Variants in SHANK1 observed in about 807,000 individuals in gnomAD.
The protein encoded by SHANK1 is SH3 and multiple ankyrin repeat domains 1.
Under a neutral mutation model 165.6 loss-of-function variants are expected in SHANK1, and 35 were observed. The observed-to-expected ratio is 0.21, with a 90% CI of 0.16 to 0.28. The LOEUF (loss-of-function observed/expected upper bound fraction) is 0.28, where lower values mean the gene tolerates loss of function less well. Ranked by LOEUF, SHANK1 falls within the 10% of genes least tolerant of loss-of-function variation. The pLI, the probability that SHANK1 is intolerant of heterozygous loss-of-function variation, is 1.00. For missense variants in SHANK1, 2,681 were observed against 3,036.4 expected (o/e 0.88, Z 2.75); for synonymous variants, 1,428 against 1,384.8 (o/e 1.03, Z -0.69).
chr19:50,685,754 A>G (rs1298091712), intron 21 of SHANK1, among the ~76,000 whole-genome samples: 6 of 152,134 alleles, frequency 3.9e-5, no homozygotes, highest in African/African-American at 1.4e-4. Context: ...TAAAAATTGA[A>G]AAATAAAATA....
chr19:50,676,339 C>T (rs1332596013), intron 21 of SHANK1, among the ~76,000 whole-genome samples: 1 of 151,988 alleles, frequency 6.6e-6, no homozygotes, highest in Non-Finnish European at 1.5e-5. Context: ...GAAGGCCTCA[C>T]TGAGAAGGTA....
At chr19:50,712,204 TCCTGGGTGA>T in intron 6 of SHANK1, 90 bp from the exon 7 acceptor site, 1 of 1,371,738 alleles carries the variant, frequency 7.3e-7, no homozygotes, top group Non-Finnish European at 9.9e-7. Context: ...GACTGGACCG[TCCTGGGTGA>T]CCTACAGTGG....
intron 15 of SHANK1, among the ~76,000 whole-genome samples, chr19:50,692,797 G>A (rs375618928): frequency 1.3e-5 from 2 of 148,814 alleles, no homozygotes; most frequent in South Asian, 2.1e-4. Flanking sequence ...GTTCCACATC[G>A]CCCTAACCCA....
chr19:50,700,002 G>A (rs1986861352), intron 12 of SHANK1, among the ~76,000 whole-genome samples: 1 of 110,088 alleles, frequency 9.1e-6, no homozygotes, highest in Non-Finnish European at 1.9e-5. Context: ...CGGGGCATTG[G>A]AGGGTTGGAA....
rs909206743 is a variant in SHANK1, at chr19:50,713,659, G to A, written c.792+139C>T. On this transcript the variant is annotated intron_variant, in intron 6 of 23. Coordinates refer to ENST00000293441, the MANE Select transcript of SHANK1 (RefSeq NM_016148.5). The surrounding 1 kb of genome is among the most constrained non-coding windows in gnomAD (Gnocchi z 6.2). The stretch of plus-strand genomic sequence containing the variant: ...GGGTGACAATAGGGGCTGTGTCTCA[G>A]TCTATGGAAAGGGGCTTTGAACTGG... 1 of 1,147,682 alleles carries A rather than the reference G, an allele frequency of 8.7e-7. No individual in the cohort carries two copies. The highest frequency in any genetic ancestry group is 1.2e-6 in the Non-Finnish European group (1 of 803,378). 71.1% of individuals were successfully genotyped at this position (1,147,682 alleles called of 1,614,324 possible).
intron 15 of SHANK1, among the ~76,000 whole-genome samples, chr19:50,692,364 T>G (rs2123144652): frequency 6.6e-6 from 1 of 151,676 alleles, no homozygotes; most frequent in South Asian, 2.1e-4. Context: ...ATTCTTCCCA[T>G]TTTATAAATG....
chr19:50,689,480 C>T, intron 15 of SHANK1: 1 of 691,074 alleles, frequency 1.4e-6, no homozygotes, highest in South Asian at 1.6e-5. Flanking sequence ...CCGGCATGCT[C>T]TCTCTCTCAC....
Position 50,670,420 on chromosome 19 carries a change from T to G in SHANK1, c.2675-1135A>C, listed in dbSNP as rs759963509. Among the ~76,000 whole-genome samples, 10 of 152,126 alleles carry G rather than the reference T, an allele frequency of 6.6e-5. No homozygotes were observed. Among genetic ancestry groups the G allele is most frequent in the Non-Finnish European group, 1.2e-4 (8 of 68,014 alleles). On this transcript the variant is annotated intron_variant, in intron 22 of 23. Coordinates refer to ENST00000293441, the MANE Select transcript of SHANK1 (RefSeq NM_016148.5). The surrounding 1 kb of genome is among the most constrained non-coding windows in gnomAD (Gnocchi z 4.1). ...CTGGATAGCAATAGCTGTCACCTCCTCTTTGGTCCCCCGGCTTCCCAGCTC... is the reference window on the plus strand; with the variant it reads ...CTGGATAGCAATAGCTGTCACCTCCGCTTTGGTCCCCCGGCTTCCCAGCTC...
chr19:50,687,112 G>A, intron 19 of SHANK1: 1 of 1,096,476 alleles, frequency 9.1e-7, no homozygotes, highest in South Asian at 2.1e-5. Context: ...CCCCCTGTCT[G>A]GAAGCCCGCC....
chr19:50,677,739 C>T (rs1203789077), intron 21 of SHANK1, among the ~76,000 whole-genome samples: 2 of 152,204 alleles, frequency 1.3e-5, no homozygotes, highest in African/African-American at 2.4e-5. Flanking sequence ...TTCCTCTGAA[C>T]ATCCCCATCA....
At position 50,666,401 on chromosome 19, in the gene SHANK1, C is replaced by A; in HGVS notation, c.5559G>T (p.Gly1853=). ...GPGPPPPPLP[G]PLAQPQASAL... is the part of the protein sequence containing the mutation. Reference sequence around the variant, plus strand: ...CTGAGGCCTGAGGCTGGGCCAAGGGCCCGGGCAGAGGTGGTGGCGGTGGGC... The same window carrying A: ...CTGAGGCCTGAGGCTGGGCCAAGGGACCGGGCAGAGGTGGTGGCGGTGGGC... The change falls in exon 23 of 24, where the codon GGG becomes GGT. Residue 1853 remains glycine, a synonymous_variant. Transcript: ENST00000293441. 1 of 1,612,950 alleles carries A rather than the reference C, an allele frequency of 6.2e-7. No homozygotes were observed. Among genetic ancestry groups the A allele is most frequent in the East Asian group, 2.2e-5 (1 of 44,862 alleles).
intron 8 of SHANK1, among the ~76,000 whole-genome samples, chr19:50,709,190 G>A (rs2088979164): frequency 6.6e-6 from 1 of 152,212 alleles, no homozygotes; most frequent in African/African-American, 2.4e-5. Flanking sequence ...CCAGGCTGGA[G>A]TGCAGTGGCA....
At chr19:50,673,913 T>G (rs1443214619) in intron 21 of SHANK1, among the ~76,000 whole-genome samples, 1 of 151,212 alleles carries the variant, frequency 6.6e-6, no homozygotes, top group Non-Finnish European at 1.5e-5. Flanking sequence ...AACCCCAACC[T>G]TCTGAGTAGC....
rs1266608130 is a variant in SHANK1, at chr19:50,666,982, C to T, written c.4978G>A (p.Ala1660Thr). The T allele has an allele frequency of 1.3e-6, 2 of 1,577,470 alleles. No homozygotes were observed. Residue 1660 changes from alanine to threonine, a missense_variant, in exon 23 of 24, where the codon GCC becomes ACC. Physicochemically the swap from Ala to Thr is moderately conservative, Grantham distance 58. Around this residue, in one of 10 missense-constraint regions of SHANK1, gnomAD observed 1,713 missense variants for 1,630.2 expected, o/e 1.05. Coordinates refer to ENST00000293441, the MANE Select transcript of SHANK1 (RefSeq NM_016148.5). ...PPAPAAPAPA[A>T]PQPGPDPPPG... ...GGAGGGTCCGGGCCAGGCTGTGGGG[C>T]AGCGGGAGCCGGTGCTGCTGGGGCA...
Position 50,667,426 on chromosome 19 carries a change from AG to A in SHANK1, c.4533del (p.Ser1512ArgfsTer113). 4.6e-6 allele frequency: 7 copies of A among 1,520,966 alleles called. No homozygotes were observed. The highest frequency in any genetic ancestry group is 2.5e-5 in the South Asian group (2 of 81,098). The allele number at this position is 1,520,966 out of a possible 1,614,324, so 94.2% of individuals were successfully genotyped here. On this transcript the variant is annotated frameshift_variant, in exon 23 of 24. Transcript: ENST00000293441. LOFTEE classifies it high-confidence loss of function. This position sits in a 1 kb window ranked among gnomAD's most constrained non-coding sequence, Gnocchi z 5.7. ...RAPVTSGRGP[P>X]SEDGPGVPPP... ...GGCGGGACCCCCGGCCCGTCCTCCG[AG>A]GGGGGACCCCTTCCGCTCGTCACAG...
rs182616514 is a variant in SHANK1, at chr19:50,699,681, T to C, written c.1748-1725A>G. 5.5e-4 allele frequency among the ~76,000 whole-genome samples: 83 copies of C among 151,366 alleles called. 1 individual carries two copies. The East Asian group carries it at 0.014, about 26-fold the overall frequency. ...TTGGAGGGCTCAGGGCATTGGGGGA[T>C]TGGAAGGCTTGGGGCATTGGAGGAA... On this transcript the variant is annotated intron_variant, in intron 12 of 23. Transcript: ENST00000293441.
At chr19:50,675,603 C>T (rs550695196) in intron 21 of SHANK1, among the ~76,000 whole-genome samples, 1 of 152,292 alleles carries the variant, frequency 6.6e-6, no homozygotes, top group South Asian at 2.1e-4. Flanking sequence ...GACAAATGTC[C>T]CAGCCCACAG....
At position 50,690,976 on chromosome 19, in the gene SHANK1, GCTGCCACCCTC is replaced by G. The variant is rs1277312898; in HGVS notation, c.1965-1708_1965-1698del. ...GGATGTGCACGTGTCCTCCCTTCCT[GCTGCCACCCTC>G]CTTGTGGCACCTCAGTGCACCTAAC... On this transcript the variant is annotated intron_variant, in intron 15 of 23. Transcript: ENST00000293441. This position sits in a 1 kb window ranked among gnomAD's most constrained non-coding sequence, Gnocchi z 4.9. 2.6e-5 allele frequency among the ~76,000 whole-genome samples: 4 copies of G among 151,950 alleles called. No individual in the cohort carries two copies. Among genetic ancestry groups the G allele is most frequent in the South Asian group, 4.2e-4 (2 of 4,794 alleles).
chr19:50,694,694 A>C (rs1177885639), intron 15 of SHANK1, among the ~76,000 whole-genome samples: 1 of 143,302 alleles, frequency 7.0e-6, no homozygotes, highest in African/African-American at 2.6e-5. Context: ...GATTCCAGGG[A>C]GGAAGATGGA....
Sources: gnomAD v4.1 joint callset for allele counts (sites outside exome capture counted in the v4.1 genomes callset) on GRCh38, gnomAD v4.1.1 for gene constraint, gnomAD v4.1.1 regional missense constraint, Gnocchi (gnomAD v3.1) non-coding constraint, MANE v1.5 for transcripts, NCBI Gene and HGNC (gene_info 2026-07-23, HGNC 2026-07-21) for gene names.